Variants in PRSS1 observed in about 807,000 individuals in gnomAD.
PRSS1 encodes serine protease 1, also known as TCR V beta 4.1.
In PRSS1, 22 loss-of-function variants were observed where a neutral mutation model predicts 24.2. That is an observed-to-expected ratio of 0.91 (90% CI 0.65 to 1.30). PRSS1 has a LOEUF of 1.30. Ranked by LOEUF, PRSS1 falls within the 50% of genes most tolerant of loss-of-function variation. The pLI, the probability that PRSS1 is intolerant of heterozygous loss-of-function variation, is 0.00. For synonymous variants in PRSS1, 126 were observed against 116.1 expected, an observed-to-expected ratio of 1.08 and a Z score of -0.55; for missense variants, 366 against 304.2, an observed-to-expected ratio of 1.20 and a Z score of -1.51.
rs1563261128 is a variant in PRSS1, at chr7:142,751,867, A to T, written c.294A>T (p.Gln98His). 6.2e-7 allele frequency: 1 copy of T among 1,614,006 alleles called. No individual in the cohort carries two copies. The highest frequency in any genetic ancestry group is 8.5e-7 in the Non-Finnish European group (1 of 1,180,000). ...INAAKIIRHP[Q>H]YDRKTLNNDI... ...CAGCCAAGATCATCCGCCACCCCCA[A>T]TACGACAGGAAGACTCTGAACAATG... Residue 98 changes from glutamine to histidine, a missense_variant, in exon 3 of 5, where the codon CAA becomes CAT. Physicochemically the swap from Gln to His is conservative, Grantham distance 24. Transcript: ENST00000311737.
chr7:142,751,723 G>C, intron 2 of PRSS1, 51 bp from the exon 3 acceptor site: 1 of 1,614,100 alleles, frequency 6.2e-7, no homozygotes, highest in South Asian at 1.1e-5. Context: ...AGGTGGGATA[G>C]GTGCCCTGGC....
At chr7:142,750,413 C>T (rs1798601228) in intron 1 of PRSS1, 142 bp from the exon 2 acceptor site, 1 of 518,960 alleles carries the variant, frequency 1.9e-6, no homozygotes, top group Non-Finnish European at 3.0e-6. Context: ...GTGATGATCA[C>T]CAGGGGTGGC....
Position 142,750,732 on chromosome 7 carries a change from G to A in PRSS1, c.200+18G>A, listed in dbSNP as rs778658500. On this transcript the variant is annotated intron_variant, in intron 2 of 4. Coordinates refer to ENST00000311737, the MANE Select transcript of PRSS1 (RefSeq NM_002769.5). Reference sequence around the variant, plus strand: ...TACAAGTCGTAAGTGTGGGGCCCCCGACTGCAAAGCTCCCGGCCAGTCTGC... The same window carrying A: ...TACAAGTCGTAAGTGTGGGGCCCCCAACTGCAAAGCTCCCGGCCAGTCTGC... 9.6e-5 allele frequency: 155 copies of A among 1,613,744 alleles called. No individual in the cohort carries two copies. The highest frequency in any genetic ancestry group is 1.2e-4 in the Non-Finnish European group (137 of 1,179,814).
chr7:142,752,990 G>A lies in PRSS1; in HGVS notation c.714G>A (p.Trp238Ter), dbSNP rs868236703. Reference protein sequence around the residue: ...VYTKVYNYVKWIKNTIAANS With the variant: ...VYTKVYNYVK ...CCAAGGTCTACAACTATGTGAAATG[G>A]ATTAAGAACACCATAGCTGCCAATA... Residue 238 changes from tryptophan (W) to a stop codon, truncating the protein, a stop_gained, in exon 5 of 5, where the codon TGG (tryptophan) becomes TGA (stop). Transcript: ENST00000311737. LOFTEE classifies it high-confidence loss of function. 6.2e-7 allele frequency: 1 copy of A among 1,613,698 alleles called. No homozygotes were observed.
chr7:142,751,391 G>A (rs1798712885), intron 2 of PRSS1: 1 of 574,150 alleles, frequency 1.7e-6, no homozygotes, highest in Non-Finnish European at 3.1e-6. Flanking sequence ...CAAGAATGGA[G>A]GGAGGAACAG....
chr7:142,750,136 A>G (rs1386402447), intron 1 of PRSS1, among the ~76,000 whole-genome samples: 1 of 151,996 alleles, frequency 6.6e-6, no homozygotes, highest in African/African-American at 2.4e-5. Flanking sequence ...GGTCATGGCC[A>G]GGTCTATGCA....
intron 3 of PRSS1, 91 bp downstream of exon 3, chr7:142,752,118 G>A: frequency 6.9e-7 from 1 of 1,457,040 alleles, no homozygotes; most frequent in Non-Finnish European, 9.2e-7. Context: ...CTCACCTCCA[G>A]GCTTAAGACA....
In PRSS1 at chr7:142,751,891, T is replaced by A; in HGVS notation, c.318T>A (p.Asn106Lys). The change falls in exon 3 of 5, where the codon AAT becomes AAA. Residue 106 changes from asparagine to lysine, a missense_variant. Physicochemically the swap from Asn to Lys is moderately conservative, Grantham distance 94. Transcript: ENST00000311737. ...AATACGACAGGAAGACTCTGAACAA[T>A]GACATCATGTTAATCAAGCTCTCCT... ...HPQYDRKTLN[N>K]DIMLIKLSSR... The A allele has an allele frequency of 6.2e-7, 1 of 1,613,982 alleles. No homozygotes were observed. Among genetic ancestry groups the A allele is most frequent in the Non-Finnish European group, 8.5e-7 (1 of 1,179,998 alleles).
At position 142,753,071 on chromosome 7, in the gene PRSS1, A is replaced by G; in HGVS notation, c.*51A>G. 2.5e-6 allele frequency: 4 copies of G among 1,597,404 alleles called. No homozygotes were observed. Among genetic ancestry groups the G allele is most frequent in the Non-Finnish European group, 2.6e-6 (3 of 1,164,788 alleles). On this transcript the variant is annotated 3_prime_UTR_variant, in exon 5 of 5. Coordinates refer to ENST00000311737, the MANE Select transcript of PRSS1 (RefSeq NM_002769.5). Reference sequence around the variant, plus strand: ...ATACCAATAAAGTGACCCTGTTCTCACTGTCTGTGTCTGTGCCTGCTCCCT... The same window carrying G: ...ATACCAATAAAGTGACCCTGTTCTCGCTGTCTGTGTCTGTGCCTGCTCCCT...
chr7:142,749,822 C>T (rs796228500), intron 1 of PRSS1, among the ~76,000 whole-genome samples: 1 of 152,014 alleles, frequency 6.6e-6, no homozygotes, highest in African/African-American at 2.4e-5. Flanking sequence ...GGCTTGGCTC[C>T]AACAGCAACA....
At chr7:142,749,737 T>C (rs1307305662) in intron 1 of PRSS1, among the ~76,000 whole-genome samples, 2 of 141,360 alleles carry the variant, frequency 1.4e-5, no homozygotes, top group African/African-American at 2.8e-5. Context: ...CATTCATCCA[T>C]ATCCGAGTTG....
chr7:142,751,875 G>C lies in PRSS1; in HGVS notation c.302G>C (p.Arg101Thr). ...AKIIRHPQYD[R>T]KTLNNDIMLI... ...ATCATCCGCCACCCCCAATACGACA[G>C]GAAGACTCTGAACAATGACATCATG... Residue 101 changes from arginine (R) to threonine (T), a missense_variant, in exon 3 of 5, where the codon AGG becomes ACG. Transcript: ENST00000311737. 1 of 1,614,058 alleles carries C rather than the reference G, an allele frequency of 6.2e-7. No homozygotes were observed. Among genetic ancestry groups the C allele is most frequent in the Non-Finnish European group, 8.5e-7 (1 of 1,180,012 alleles).
Position 142,751,888 on chromosome 7 carries a change from C to A in PRSS1, c.315C>A (p.Asn105Lys), listed in dbSNP as rs1264201914. ...CCCAATACGACAGGAAGACTCTGAA[C>A]AATGACATCATGTTAATCAAGCTCT... Reference protein sequence around the residue: ...RHPQYDRKTLNNDIMLIKLSS... With the variant: ...RHPQYDRKTLKNDIMLIKLSS... Residue 105 changes from asparagine to lysine, a missense_variant, in exon 3 of 5, where the codon AAC becomes AAA. By Grantham distance (94) the Asn-to-Lys change is moderately conservative (BLOSUM62 0). Coordinates refer to ENST00000311737, the MANE Select transcript of PRSS1 (RefSeq NM_002769.5). 1 of 1,614,086 alleles carries A rather than the reference C, an allele frequency of 6.2e-7. No individual in the cohort carries two copies. Among genetic ancestry groups the A allele is most frequent in the Admixed American group, 1.7e-5 (1 of 60,016 alleles).
In PRSS1 at chr7:142,753,047, T is replaced by C. The variant is rs746949250; in HGVS notation, c.*27T>C. The C allele has an allele frequency of 1.6e-5, 26 of 1,609,902 alleles. No individual in the cohort carries two copies. Among genetic ancestry groups the C allele is most frequent in the South Asian group, 2.2e-5 (2 of 91,000 alleles). On this transcript the variant is annotated 3_prime_UTR_variant, in exon 5 of 5. Coordinates refer to ENST00000311737, the MANE Select transcript of PRSS1 (RefSeq NM_002769.5). ...GCCCCCAGTATCTCTTCAGTCTCTA[T>C]ACCAATAAAGTGACCCTGTTCTCAC... is the stretch of plus-strand genomic sequence containing the variant.
chr7:142,751,097 G>C (rs975768471), intron 2 of PRSS1: 35 of 702,698 alleles, frequency 5.0e-5, no homozygotes, highest in Non-Finnish European at 8.6e-5. Context: ...TTCAGGAAGA[G>C]GGTGTGAATA....
Position 142,752,428 on chromosome 7 carries a change from C to T in PRSS1, c.455-3C>T, listed in dbSNP as rs760226452. On this transcript the variant is annotated splice_polypyrimidine_tract_variant and splice_region_variant and intron_variant, in intron 3 of 4. Transcript: ENST00000311737. ...TCCTTTGATCTCTTCCTGATCCTCA[C>T]AGCCGACTACCCAGACGAGCTGCAG... 1 of 1,613,880 alleles carries T rather than the reference C, an allele frequency of 6.2e-7. No homozygotes were observed. Among genetic ancestry groups the T allele is most frequent in the Non-Finnish European group, 8.5e-7 (1 of 1,179,868 alleles).
In PRSS1 at chr7:142,750,617, G is replaced by A. The variant is rs1286351441; in HGVS notation, c.103G>A (p.Val35Ile). 6.2e-7 allele frequency: 1 copy of A among 1,613,906 alleles called. No homozygotes were observed. Among genetic ancestry groups the A allele is most frequent in the Non-Finnish European group, 8.5e-7 (1 of 1,179,872 alleles). Residue 35 changes from valine (V) to isoleucine (I), a missense_variant, in exon 2 of 5, where the codon GTC (valine) becomes ATC (isoleucine). Physicochemically the swap from Val to Ile is conservative, Grantham distance 29. Coordinates refer to ENST00000311737, the MANE Select transcript of PRSS1 (RefSeq NM_002769.5). Reference protein sequence around the residue: ...VGGYNCEENSVPYQVSLNSGY... With the variant: ...VGGYNCEENSIPYQVSLNSGY... ...GGGCTACAACTGTGAGGAGAATTCT[G>A]TCCCCTACCAGGTGTCCCTGAATTC...
At position 142,752,478 on chromosome 7, in the gene PRSS1, C is replaced by A. The variant is rs575283731; in HGVS notation, c.502C>A (p.Gln168Lys). The change falls in exon 4 of 5, where the codon CAG (glutamine) becomes AAG (lysine). Residue 168 changes from glutamine (Q) to lysine (K), a missense_variant. Transcript: ENST00000311737. ...LQCLDAPVLS[Q>K]AKCEASYPGK... ...GTGCCTGGATGCTCCTGTGCTGAGC[C>A]AGGCTAAGTGTGAAGCCTCCTACCC... The A allele has an allele frequency of 5.0e-6, 8 of 1,614,168 alleles. No individual in the cohort carries two copies. In the African/African-American group the frequency reaches 9.3e-5, roughly 19 times the overall value.
intron 1 of PRSS1, 63 bp from the exon 2 acceptor site, chr7:142,750,492 G>A: frequency 1.9e-6 from 3 of 1,611,096 alleles, no homozygotes; most frequent in Non-Finnish European, 2.5e-6. Flanking sequence ...AGCAATCACA[G>A]GCTGGGAGCG....
Sources: allele counts gnomAD v4.1 joint callset (sites outside exome capture counted in the v4.1 genomes callset), GRCh38; gene constraint gnomAD v4.1.1; transcripts MANE v1.5; gene names NCBI Gene and HGNC (gene_info 2026-07-23, HGNC 2026-07-21).